BTBD7: variants seen among roughly 807,000 people sequenced by gnomAD.
The protein encoded by BTBD7 is BTB/POZ domain-containing protein 7.
A neutral mutation model predicts 99.9 loss-of-function variants in BTBD7; 38 were observed. The observed-to-expected ratio is 0.38, with a 90% CI of 0.29 to 0.50. The LOEUF (loss-of-function observed/expected upper bound fraction) is 0.50, where lower values mean the gene tolerates loss of function less well. Ranked by LOEUF, BTBD7 falls within the 20% of genes least tolerant of loss-of-function variation. The probability of loss-of-function intolerance (pLI) is 0.93; values close to 1 mark genes in which losing one functional copy is unlikely to be tolerated. For synonymous variants in BTBD7, 520 were observed against 511.4 expected (o/e 1.02, Z -0.23); for missense variants, 1,170 against 1,394.6 (o/e 0.84, Z 2.57).
chr14:93,260,099 A>G (rs1205414328), intron 5 of BTBD7, among the ~76,000 whole-genome samples: 1 of 152,210 alleles, frequency 6.6e-6, no homozygotes, highest in African/African-American at 2.4e-5. Context: ...TTTGTTCCCT[A>G]GAGCTTGGAT....
At chr14:93,281,460 T>C (rs2052719152) in intron 3 of BTBD7, among the ~76,000 whole-genome samples, 1 of 152,196 alleles carries the variant, frequency 6.6e-6, no homozygotes, top group Non-Finnish European at 1.5e-5. Context: ...TTGTTGACAG[T>C]AGTTATCACA....
At chr14:93,317,553 GAACAT>G (rs1051024602) in intron 1 of BTBD7, among the ~76,000 whole-genome samples, 1 of 152,050 alleles carries the variant, frequency 6.6e-6, no homozygotes, top group Non-Finnish European at 1.5e-5. Context: ...GAGAAAAAAA[GAACAT>G]AACATAAAGT....
chr14:93,305,082 CAAT>C (rs2053054970), intron 1 of BTBD7, among the ~76,000 whole-genome samples: 1 of 152,230 alleles, frequency 6.6e-6, no homozygotes, highest in South Asian at 2.1e-4. Context: ...AATAAGAAGA[CAAT>C]AATGGCTTAG....
At chr14:93,295,867 A>G (rs2052919884) in intron 2 of BTBD7, 103 bp downstream of exon 2, 1 of 1,039,562 alleles carries the variant, frequency 9.6e-7, no homozygotes, top group Non-Finnish European at 1.4e-6. Context: ...CAGAATTATT[A>G]TAATAACTAC....
Position 93,263,052 on chromosome 14 carries a change from A to G in BTBD7, c.1371+733T>C, listed in dbSNP as rs376306908. 1.3e-4 allele frequency among the ~76,000 whole-genome samples: 20 copies of G among 152,176 alleles called. No homozygotes were observed. The East Asian group carries it at 1.7e-3, about 13-fold the overall frequency. On this transcript the variant is annotated intron_variant, in intron 4 of 10. Transcript: ENST00000334746. ...CTGACTAAAATGGTAGCATTTTATT[A>G]TTTTTCTAGTACAAATACAAAGAAA...
chr14:93,266,396 C>G (rs2052544099), intron 3 of BTBD7, among the ~76,000 whole-genome samples: 1 of 151,976 alleles, frequency 6.6e-6, no homozygotes, highest in South Asian at 2.1e-4. Context: ...CAACTTATCA[C>G]AGGAAAAAAG....
chr14:93,268,564 T>C (rs2052566851), intron 3 of BTBD7, among the ~76,000 whole-genome samples: 3 of 152,128 alleles, frequency 2.0e-5, no homozygotes, highest in Admixed American at 2.0e-4. Flanking sequence ...TAGCACTTCT[T>C]CTCAAAGAAG....
chr14:93,294,982 T>C, intron 2 of BTBD7, 45 bp from the exon 3 acceptor site: 2 of 1,476,524 alleles, frequency 1.4e-6, no homozygotes, highest in Non-Finnish European at 1.8e-6. Context: ...TTTCTTAACA[T>C]TCATTTTCAA....
intron 3 of BTBD7, chr14:93,288,492 T>TA (rs1338468861): frequency 1.3e-6 from 1 of 752,790 alleles, no homozygotes; most frequent in African/African-American, 1.7e-5. Flanking sequence ...TTCTTTTATA[T>TA]AAGGATATTT....
At chr14:93,271,197 G>A (rs1184008120) in intron 3 of BTBD7, among the ~76,000 whole-genome samples, 1 of 152,136 alleles carries the variant, frequency 6.6e-6, no homozygotes, top group Non-Finnish European at 1.5e-5. Flanking sequence ...AACGTTGACA[G>A]TTCTCCTGAA....
chr14:93,238,019 C>T lies in BTBD7; in HGVS notation c.*4254G>A, dbSNP rs1334267925. The T allele has an allele frequency of 1.3e-5, 2 of 152,348 alleles. No homozygotes were observed. Among genetic ancestry groups the T allele is most frequent in the Admixed American group, 6.5e-5 (1 of 15,272 alleles). 9.4% of individuals were successfully genotyped at this position (152,348 alleles called of 1,614,324 possible). On this transcript the variant is annotated 3_prime_UTR_variant, in exon 11 of 11. Transcript: ENST00000334746. ...CAGGAACCTTTATCTCTCAGCCACC[C>T]CATCGAAGAGCAGGACTTGGTACCG...
chr14:93,297,447 T>C (rs1186946262), intron 1 of BTBD7, among the ~76,000 whole-genome samples: 1 of 152,186 alleles, frequency 6.6e-6, no homozygotes. Context: ...CTCAGCCTCC[T>C]GAGTAGCTGG....
intron 1 of BTBD7, among the ~76,000 whole-genome samples, chr14:93,309,960 C>A (rs1373367174): frequency 7.5e-6 from 1 of 132,468 alleles, no homozygotes; most frequent in Non-Finnish European, 1.6e-5. Context: ...TACCAATTGG[C>A]AGGTGTTTTT....
intron 3 of BTBD7, chr14:93,288,270 AGCCACTATTT>A: frequency 2.0e-6 from 1 of 510,968 alleles, no homozygotes; most frequent in African/African-American, 2.0e-5. Context: ...ATATTTCTAA[AGCCACTATTT>A]GTTAGATGTT....
intron 1 of BTBD7, 121 bp downstream of exon 1, chr14:93,332,699 G>A (rs1471513487): frequency 4.6e-6 from 6 of 1,292,196 alleles, no homozygotes; most frequent in Non-Finnish European, 2.0e-6. Context: ...CTCCCGCGGC[G>A]GCTTGGCCCC....
rs772890345 is a variant in BTBD7, at chr14:93,257,197, C to T, written c.1606G>A (p.Ala536Thr). 1.2e-6 allele frequency: 2 copies of T among 1,611,888 alleles called. No individual in the cohort carries two copies. The highest frequency in any genetic ancestry group is 8.5e-7 in the Non-Finnish European group (1 of 1,179,454). ...LPINSEVLSD[A>T]MKRGLISTPP... ...AATACATGGAGAAAAACACTTACTG[C>T]ATCACTTAAGACTTCACTGTTTATA... Residue 536 changes from alanine to threonine, a missense_variant and splice_region_variant, in exon 6 of 11, where the codon GCA becomes ACA. This residue lies in a region of BTBD7 where 309 missense variants were observed against 342.0 expected (regional missense o/e 0.90). Coordinates refer to ENST00000334746, the MANE Select transcript of BTBD7 (RefSeq NM_001002860.4).
chr14:93,324,434 A>G (rs1042057635), intron 1 of BTBD7, among the ~76,000 whole-genome samples: 1 of 152,166 alleles, frequency 6.6e-6, no homozygotes, highest in African/African-American at 2.4e-5. Context: ...AAAAAAAAAA[A>G]AGAGATTTTT....
At chr14:93,297,216 TTTA>T (rs1392019681) in intron 1 of BTBD7, among the ~76,000 whole-genome samples, 1 of 152,256 alleles carries the variant, frequency 6.6e-6, no homozygotes, top group Non-Finnish European at 1.5e-5. Flanking sequence ...ATGCTTGGAA[TTTA>T]TTTTCATCTC....
At chr14:93,255,690 T>C (rs945961539) in intron 6 of BTBD7, 1 of 151,986 alleles carries the variant, frequency 6.6e-6, no homozygotes, top group Non-Finnish European at 1.5e-5. Context: ...GAGACAGGGT[T>C]TTGCCATGTC....
Sources: allele counts gnomAD v4.1 joint callset (sites outside exome capture counted in the v4.1 genomes callset), GRCh38; gene constraint gnomAD v4.1.1; regional missense constraint gnomAD v4.1.1; transcripts MANE v1.5; gene names NCBI Gene and HGNC (gene_info 2026-07-23, HGNC 2026-07-21).